CHST9: variants seen among roughly 807,000 people sequenced by gnomAD.
The protein encoded by CHST9 is GalNAc-4-sulfotransferase 2.
CHST9 carries 41 observed loss-of-function variants against 44.4 expected under a neutral mutation model. The ratio of observed to expected loss-of-function variants is 0.92; its 90% CI spans 0.72 to 1.20. The LOEUF (loss-of-function observed/expected upper bound fraction) is 1.20, where lower values mean the gene tolerates loss of function less well. Ranked by LOEUF, CHST9 falls within the 50% of genes most tolerant of loss-of-function variation. The pLI, the probability that CHST9 is intolerant of heterozygous loss-of-function variation, is 0.00. For missense variants in CHST9, 504 were observed against 516.5 expected, an observed-to-expected ratio of 0.98 and a Z score of 0.23; for synonymous variants, 171 against 178.4, an observed-to-expected ratio of 0.96 and a Z score of 0.33.
At chr18:26,963,572 T>C (rs62084589) in intron 4 of CHST9, among the ~76,000 whole-genome samples, 2 of 124,062 alleles carry the variant, frequency 1.6e-5, no homozygotes, top group African/African-American at 3.8e-5. Context: ...TTAAGGAGTA[T>C]TAAAAAAAAA....
At chr18:27,095,686 A>G (rs1470655511) in intron 2 of CHST9, among the ~76,000 whole-genome samples, 1 of 152,126 alleles carries the variant, frequency 6.6e-6, no homozygotes, top group Non-Finnish European at 1.5e-5. Flanking sequence ...GTAAAAGAGG[A>G]CAAAGAAGGG....
intron 2 of CHST9, among the ~76,000 whole-genome samples, chr18:27,100,916 A>AATCTGT (rs2058165063): frequency 6.6e-6 from 1 of 152,190 alleles, no homozygotes; most frequent in African/African-American, 2.4e-5. Flanking sequence ...GGCATTTCCT[A>AATCTGT]TTGGTTGGGA....
Position 26,916,732 on chromosome 18 carries a change from CT to C in CHST9, c.858del (p.Val287TyrfsTer36), listed in dbSNP as rs2055533191. On this transcript the variant is annotated frameshift_variant, in exon 6 of 6. Coordinates refer to ENST00000618847, the MANE Select transcript of CHST9 (RefSeq NM_031422.6). LOFTEE classifies it high-confidence loss of function. ...AVFVRDPMER[L>X]VSAFRDKFEH... Reference sequence around the variant, plus strand: ...TCAAATTTGTCCCTAAAGGCTGATACTAATCTTTCCATGGGATCACGAACAA... The same window carrying C: ...TCAAATTTGTCCCTAAAGGCTGATACAATCTTTCCATGGGATCACGAACAA... The C allele has an allele frequency of 3.1e-6, 5 of 1,613,776 alleles. No individual in the cohort carries two copies. Among genetic ancestry groups the C allele is most frequent in the Non-Finnish European group, 4.2e-6 (5 of 1,179,840 alleles).
At chr18:26,944,432 G>T in intron 4 of CHST9, 66 bp from the exon 5 acceptor site, 1 of 1,152,290 alleles carries the variant, frequency 8.7e-7, no homozygotes, top group Non-Finnish European at 1.3e-6. Context: ...CGGTACTGAT[G>T]CTGCTCTGTT....
At chr18:27,082,681 C>T (rs1185296192) in intron 2 of CHST9, among the ~76,000 whole-genome samples, 2 of 152,186 alleles carry the variant, frequency 1.3e-5, no homozygotes, top group Non-Finnish European at 2.9e-5. Context: ...TTGGTTTCCA[C>T]TGTCATTTAC....
intron 2 of CHST9, among the ~76,000 whole-genome samples, chr18:27,049,950 G>A (rs1043562579): frequency 2.0e-5 from 3 of 152,150 alleles, no homozygotes; most frequent in Non-Finnish European, 2.9e-5. Context: ...GAAGTCAGAA[G>A]CAGCTGAGAT....
intron 1 of CHST9, among the ~76,000 whole-genome samples, chr18:27,158,359 G>GT (rs1403199067): frequency 2.0e-5 from 3 of 151,658 alleles, no homozygotes; most frequent in South Asian, 2.1e-4. Flanking sequence ...GCAGTGTTTG[G>GT]TTTTTTGTCC....
At chr18:27,014,259 G>C (rs2057119624) in intron 4 of CHST9, among the ~76,000 whole-genome samples, 1 of 151,738 alleles carries the variant, frequency 6.6e-6, no homozygotes, top group African/African-American at 2.4e-5. Context: ...CCAATTCCAT[G>C]TTGATATCAA....
At chr18:27,114,548 A>G (rs557925377) in intron 2 of CHST9, among the ~76,000 whole-genome samples, 6 of 152,224 alleles carry the variant, frequency 3.9e-5, no homozygotes, top group Non-Finnish European at 8.8e-5. Context: ...TTGTACAACC[A>G]TCACCACTAT....
intron 4 of CHST9, among the ~76,000 whole-genome samples, chr18:26,955,094 G>A (rs1160264904): frequency 3.3e-5 from 5 of 152,094 alleles, no homozygotes; most frequent in African/African-American, 1.2e-4. Flanking sequence ...TAGGGCCTGA[G>A]TTTGACTGCT....
rs60705060 is a variant in CHST9, at chr18:27,137,304, A to ATGTG, written c.121+5381_121+5384dup. On this transcript the variant is annotated intron_variant, in intron 2 of 5. Transcript: ENST00000618847. Reference sequence around the variant, plus strand: ...TCTGTATATATTGATTTATTTATATATGTGTGTGTGTGTGTGTGTGTGTGT... The same window carrying ATGTG: ...TCTGTATATATTGATTTATTTATATATGTGTGTGTGTGTGTGTGTGTGTGTGTGT... Among the ~76,000 whole-genome samples, 550 of 145,384 alleles carry ATGTG rather than the reference A, an allele frequency of 3.8e-3. 2 individuals are homozygous for ATGTG. The highest frequency in any genetic ancestry group is 0.012 in the African/African-American group (487 of 39,302).
chr18:27,051,148 CATG>C (rs998363861), intron 2 of CHST9, among the ~76,000 whole-genome samples: 1 of 152,132 alleles, frequency 6.6e-6, no homozygotes, highest in Non-Finnish European at 1.5e-5. Context: ...TGTGGTGGCT[CATG>C]CTTGTAATCC....
At position 26,916,852 on chromosome 18, in the gene CHST9, T is replaced by C; in HGVS notation, c.739A>G (p.Asn247Asp). Residue 247 changes from asparagine (N) to aspartate (D), a missense_variant, in exon 6 of 6, where the codon AAT becomes GAT. Physicochemically the swap from Asn to Asp is conservative, Grantham distance 23. Transcript: ENST00000618847. Reference sequence around the variant, plus strand: ...AAATGCTTCCCGTAGTGGACAGCATTGTGGGAGATGTTGTATGCAGAGGAA... The same window carrying C: ...AAATGCTTCCCGTAGTGGACAGCATCGTGGGAGATGTTGTATGCAGAGGAA... ...LASSAYNISH[N>D]AVHYGKHLKK... The C allele has an allele frequency of 6.2e-7, 1 of 1,613,938 alleles. No individual in the cohort carries two copies. The highest frequency in any genetic ancestry group is 8.5e-7 in the Non-Finnish European group (1 of 1,179,878).
chr18:26,976,394 G>T (rs1424761174), intron 4 of CHST9, among the ~76,000 whole-genome samples: 2 of 152,124 alleles, frequency 1.3e-5, no homozygotes, highest in Non-Finnish European at 2.9e-5. Context: ...AAGCCTAGCA[G>T]ACAAGTGATT....
intron 4 of CHST9, among the ~76,000 whole-genome samples, chr18:26,975,723 G>GTATATATA (rs1180630852): frequency 5.1e-5 from 3 of 59,352 alleles, no homozygotes. Flanking sequence ...GTGTGTGTGT[G>GTATATATA]TGTATATATA....
At position 26,916,675 on chromosome 18, in the gene CHST9, C is replaced by T. The variant is rs968829896; in HGVS notation, c.916G>A (p.Gly306Arg). 31 of 1,613,726 alleles carry T rather than the reference C, an allele frequency of 1.9e-5. No individual in the cohort carries two copies. Among genetic ancestry groups the T allele is most frequent in the Admixed American group, 6.7e-5 (4 of 59,972 alleles). The change falls in exon 6 of 6, where the codon GGA (glycine) becomes AGA (arginine). Residue 306 changes from glycine to arginine, a missense_variant. By Grantham distance (125) the Gly-to-Arg change is moderately radical. Coordinates refer to ENST00000618847, the MANE Select transcript of CHST9 (RefSeq NM_031422.6). ...CGATATTTCTTGATAATTGCCTTTCCGAATACTGGATGGTAATAACTATTG... is the reference window on the plus strand; with the variant it reads ...CGATATTTCTTGATAATTGCCTTTCTGAATACTGGATGGTAATAACTATTG... ...HPNSYYHPVF[G>R]KAIIKKYRPN...
intron 5 of CHST9, among the ~76,000 whole-genome samples, chr18:26,925,541 T>C (rs535779743): frequency 1.3e-5 from 2 of 152,360 alleles, no homozygotes; most frequent in African/African-American, 4.8e-5. Flanking sequence ...AATGAACTGA[T>C]GTCAGGAAAG....
intron 4 of CHST9, among the ~76,000 whole-genome samples, chr18:26,973,226 T>C (rs184129543): frequency 6.1e-4 from 93 of 152,312 alleles, no homozygotes; most frequent in African/African-American, 2.1e-3. Flanking sequence ...CAATGGTCTA[T>C]TTCTTACTGC....
At chr18:26,975,736 TATATATATATATA>T (rs2056615177) in intron 4 of CHST9, among the ~76,000 whole-genome samples, 1 of 51,640 alleles carries the variant, frequency 1.9e-5, no homozygotes, top group African/African-American at 9.5e-5. Flanking sequence ...TATATATATA[TATATATATATATA>T]TATATATATA....
Sources: allele counts gnomAD v4.1 joint callset (sites outside exome capture counted in the v4.1 genomes callset), GRCh38; gene constraint gnomAD v4.1.1; transcripts MANE v1.5; gene names NCBI Gene and HGNC (gene_info 2026-07-23, HGNC 2026-07-21).